The following PANK4 variants were observed in gnomAD, a reference collection of about 807,000 sequenced individuals.
PANK4 encodes the protein 4'-phosphopantetheine phosphatase.
PANK4 carries 40 observed loss-of-function variants against 87.9 expected under a neutral mutation model. The ratio of observed to expected loss-of-function variants is 0.46; its 90% confidence interval spans 0.35 to 0.59. PANK4 has a LOEUF of 0.59. Among genes scored for constraint, PANK4 ranks in the 20% least tolerant of loss-of-function variants. PANK4 has a pLI of 0.00. For synonymous variants in PANK4, 524 were observed against 467.4 expected, an observed-to-expected ratio of 1.12 and a Z score of -1.56; for missense variants, 926 against 1,072.3, an observed-to-expected ratio of 0.86 and a Z score of 1.90.
In PANK4 at chr1:2,520,242, C is replaced by T; in HGVS notation, c.699+80G>A. On this transcript the variant is annotated intron_variant, in intron 5 of 18. Transcript: ENST00000378466. The surrounding 1 kb of genome is among the most constrained non-coding windows in gnomAD (Gnocchi z 6.2). ...GGGAGGCCCGGAAGCAGCTTTTGCA[C>T]CGCCCAGCTGCAGGCCTTCGGGGGA... The T allele has an allele frequency of 2.2e-6, 3 of 1,357,792 alleles. No homozygotes were observed. Among genetic ancestry groups the T allele is most frequent in the Non-Finnish European group, 3.2e-6 (3 of 951,714 alleles). 84.1% of individuals were successfully genotyped at this position (1,357,792 alleles called of 1,614,324 possible).
Position 2,519,616 on chromosome 1 carries a change from C to T in PANK4, c.853+185G>A, listed in dbSNP as rs927613885. On this transcript the variant is annotated intron_variant, in intron 6 of 18. Coordinates refer to ENST00000378466, the MANE Select transcript of PANK4 (RefSeq NM_018216.4). The surrounding 1 kb of genome is among the most constrained non-coding windows in gnomAD (Gnocchi z 8.3). Reference sequence around the variant, plus strand: ...AACCAAGACCGTGGCGTTTATCTGCCGACGTTCTGAGCAGTGGGCCTGAGC... The same window carrying T: ...AACCAAGACCGTGGCGTTTATCTGCTGACGTTCTGAGCAGTGGGCCTGAGC... Among the ~76,000 whole-genome samples, 1 of 152,224 alleles carries T rather than the reference C, an allele frequency of 6.6e-6. No homozygotes were observed. The highest frequency in any genetic ancestry group is 2.4e-5 in the African/African-American group (1 of 41,454).
intron 1 of PANK4, among the ~76,000 whole-genome samples, chr1:2,524,500 C>G (rs2100800567): frequency 6.6e-6 from 1 of 152,292 alleles, no homozygotes; most frequent in East Asian, 1.9e-4. Context: ...CAGGGAGAAA[C>G]TTTGAAGAGG....
chr1:2,519,244 G>A lies in PANK4; in HGVS notation c.934C>T (p.Arg312Trp), dbSNP rs542241336. ...DIGQLACLHARLHSLDRVYFG... is the reference protein window; with the variant it reads ...DIGQLACLHAWLHSLDRVYFG... ...TACACGCGGTCCAGGCTGTGCAGCC[G>A]TGCGTGGAGGCAGGCCAGCTGCCCA... The change falls in exon 7 of 19, where the codon CGG becomes TGG. Residue 312 changes from arginine (R) to tryptophan (W), a missense_variant. By Grantham distance (101) the Arg-to-Trp change is moderately radical. Transcript: ENST00000378466. This position sits in a 1 kb window ranked among gnomAD's most constrained non-coding sequence, Gnocchi z 8.3. The A allele has an allele frequency of 1.9e-6, 3 of 1,612,750 alleles. No individual in the cohort carries two copies. The highest frequency in any genetic ancestry group is 1.7e-5 in the Admixed American group (1 of 60,026).
chr1:2,518,448 C>A (rs1643824310), intron 8 of PANK4, 68 bp downstream of exon 8: 2 of 1,399,434 alleles, frequency 1.4e-6, no homozygotes, highest in South Asian at 1.2e-5. Context: ...GCCGCCCTGG[C>A]CTGGAGCACA....
chr1:2,509,945 G>T lies in PANK4; in HGVS notation c.2040-15C>A, dbSNP rs1362820020. 1 of 1,609,296 alleles carries T rather than the reference G, an allele frequency of 6.2e-7. No homozygotes were observed. Among genetic ancestry groups the T allele is most frequent in the African/African-American group, 1.3e-5 (1 of 74,874 alleles). On this transcript the variant is annotated splice_polypyrimidine_tract_variant and intron_variant, in intron 17 of 18. Coordinates refer to ENST00000378466, the MANE Select transcript of PANK4 (RefSeq NM_018216.4). This position sits in a 1 kb window ranked among gnomAD's most constrained non-coding sequence, Gnocchi z 4.9. Reference sequence around the variant, plus strand: ...GGAGCGCAGAGCTGCCAGATACAAGGTGGTCAGTGCCCCCAGGAGCTCCCA... The same window carrying T: ...GGAGCGCAGAGCTGCCAGATACAAGTTGGTCAGTGCCCCCAGGAGCTCCCA...
chr1:2,514,031 C>T lies in PANK4; in HGVS notation c.1546G>A (p.Glu516Lys), dbSNP rs757333073. Residue 516 changes from glutamate (E) to lysine (K), a missense_variant, in exon 12 of 19, where the codon GAG becomes AAG. Physicochemically the swap from Glu to Lys is moderately conservative, Grantham distance 56. Transcript: ENST00000378466. ...GAGTAGGGATCCGGGAAGTTGAACT[C>T]GTTCAGACAGTGCTCCCTGGTGTCC... is the stretch of plus-strand genomic sequence containing the variant. ...LLDTREHCLN[E>K]FNFPDPYSKV... is the part of the protein sequence containing the mutation. The T allele has an allele frequency of 3.1e-6, 5 of 1,612,694 alleles. No homozygotes were observed. The highest frequency in any genetic ancestry group is 2.2e-5 in the South Asian group (2 of 91,088).
chr1:2,509,787 C>A lies in PANK4; in HGVS notation c.2108+75G>T. On this transcript the variant is annotated intron_variant, in intron 18 of 18. Coordinates refer to ENST00000378466, the MANE Select transcript of PANK4 (RefSeq NM_018216.4). The surrounding 1 kb of genome is among the most constrained non-coding windows in gnomAD (Gnocchi z 4.9). ...AGTCCTGAGGTCGGTGTCCCGCATG[C>A]ACCTGGGTGCAGGTGCACGGCACAG... 3.0e-6 allele frequency: 4 copies of A among 1,346,874 alleles called. No individual in the cohort carries two copies. Among genetic ancestry groups the A allele is most frequent in the Non-Finnish European group, 4.2e-6 (4 of 947,852 alleles). 83.4% of individuals were successfully genotyped at this position (1,346,874 alleles called of 1,614,324 possible). A position where few individuals can be genotyped will look rare whatever the true frequency, so the allele number is the denominator to read the frequency against.
intron 9 of PANK4, among the ~76,000 whole-genome samples, chr1:2,516,343 G>C (rs1157663881): frequency 6.6e-6 from 1 of 152,194 alleles, no homozygotes; most frequent in Non-Finnish European, 1.5e-5. Context: ...TATGCACCCA[G>C]GGCACCCCGG....
chr1:2,512,112 G>C (rs1643671815), intron 13 of PANK4, among the ~76,000 whole-genome samples: 1 of 152,186 alleles, frequency 6.6e-6, no homozygotes, highest in African/African-American at 2.4e-5. Flanking sequence ...CCGCAGTATG[G>C]TCCCTGTGCT....
chr1:2,513,965 C>G (rs943643212), intron 12 of PANK4, 37 bp downstream of exon 12: 11 of 1,458,612 alleles, frequency 7.5e-6, no homozygotes, highest in Non-Finnish European at 1.1e-5. Flanking sequence ...GGGACGGGGA[C>G]AAGAGCGAGC....
chr1:2,523,070 A>G (rs1643891517), intron 1 of PANK4, among the ~76,000 whole-genome samples: 1 of 151,970 alleles, frequency 6.6e-6, no homozygotes, highest in South Asian at 2.1e-4. Flanking sequence ...TAATGAGGCT[A>G]AAGTTATTTT....
chr1:2,509,029 G>A lies in PANK4; in HGVS notation c.2140C>T (p.Arg714Trp), dbSNP rs770902890. 6 of 1,601,834 alleles carry A rather than the reference G, an allele frequency of 3.7e-6. No individual in the cohort carries two copies. In the South Asian group the frequency reaches 5.5e-5, roughly 15 times the overall value. The change falls in exon 19 of 19, where the codon CGG becomes TGG. Residue 714 changes from arginine to tryptophan, a missense_variant. Arg to Trp is a moderately radical substitution (Grantham distance 101). Transcript: ENST00000378466. The surrounding 1 kb of genome is among the most constrained non-coding windows in gnomAD (Gnocchi z 4.9). Reference protein sequence around the residue: ...RLDKGLAALVRERGADLVVIE... With the variant: ...RLDKGLAALVWERGADLVVIE... ...ACCACCAGATCCGCGCCACGCTCCC[G>A]CACCAGTGCGGCCAGCCCCTTATCC... is the stretch of plus-strand genomic sequence containing the variant.
chr1:2,514,471 C>T lies in PANK4; in HGVS notation c.1375-5G>A. 1.9e-6 allele frequency: 3 copies of T among 1,605,662 alleles called. No homozygotes were observed. Among genetic ancestry groups the T allele is most frequent in the African/African-American group, 2.7e-5 (2 of 74,638 alleles). ...CGCCACTGCGCGCTTCACTACCTGC[C>T]AGCGACAGAAGGAGGGGGTTAGTCA... On this transcript the variant is annotated splice_region_variant and splice_polypyrimidine_tract_variant and intron_variant, in intron 10 of 18. Transcript: ENST00000378466.
chr1:2,519,133 C>T lies in PANK4; in HGVS notation c.1035+10G>A, dbSNP rs777727732. The T allele has an allele frequency of 1.9e-6, 3 of 1,608,160 alleles. No homozygotes were observed. The highest frequency in any genetic ancestry group is 1.7e-4 in the Middle Eastern group (1 of 6,044). On this transcript the variant is annotated intron_variant, in intron 7 of 18. Coordinates refer to ENST00000378466, the MANE Select transcript of PANK4 (RefSeq NM_018216.4). The surrounding 1 kb of genome is among the most constrained non-coding windows in gnomAD (Gnocchi z 8.3). ...GCGTTAGAGGCTGGGGAGGGCGGCG[C>T]ATCCGTTACCTTGGAGAAGAAGTTG... is the stretch of plus-strand genomic sequence containing the variant.
Position 2,520,454 on chromosome 1 carries a change from T to C in PANK4, c.607-40A>G. ...GGGCAGGTGTGCCCTCAGTGGGCCC[T>C]CAGCCACACAGGCTCCCCCGCCCCC... On this transcript the variant is annotated intron_variant, in intron 4 of 18. Transcript: ENST00000378466. The surrounding 1 kb of genome is among the most constrained non-coding windows in gnomAD (Gnocchi z 6.2). 6.5e-7 allele frequency: 1 copy of C among 1,549,428 alleles called. No homozygotes were observed. The highest frequency in any genetic ancestry group is 8.9e-7 in the Non-Finnish European group (1 of 1,124,208).
chr1:2,525,941 C>A (rs900920916), intron 1 of PANK4: 1 of 152,178 alleles, frequency 6.6e-6, no homozygotes, highest in Non-Finnish European at 1.5e-5. Context: ...CTGTCCGGCC[C>A]GCGGGCCACA....
chr1:2,518,382 T>C (rs1643823271), intron 8 of PANK4, 118 bp from the exon 9 acceptor site: 3 of 955,406 alleles, frequency 3.1e-6, no homozygotes, highest in East Asian at 2.6e-5. Flanking sequence ...ATGTTAGACA[T>C]GCCTGCTGCT....
rs957995119 is a variant in PANK4, at chr1:2,510,611, C to T, written c.1938+67G>A. 1.9e-5 allele frequency: 18 copies of T among 932,650 alleles called. No homozygotes were observed. The highest frequency in any genetic ancestry group is 1.0e-4 in the African/African-American group (6 of 59,682). 57.8% of individuals were successfully genotyped at this position (932,650 alleles called of 1,614,324 possible). ...CCCGACCACCGCCAGAGGCCCACAG[C>T]GGCGCCAACCCCACCGAGAGCAGAG... is the stretch of plus-strand genomic sequence containing the variant. On this transcript the variant is annotated intron_variant, in intron 16 of 18. Transcript: ENST00000378466. The surrounding 1 kb of genome is among the most constrained non-coding windows in gnomAD (Gnocchi z 4.9).
intron 13 of PANK4, 95 bp downstream of exon 13, chr1:2,512,793 C>T: frequency 7.7e-7 from 1 of 1,303,860 alleles, no homozygotes; most frequent in Non-Finnish European, 1.1e-6. Context: ...GCCACGTGAC[C>T]CCCAAGGGAC....
Sources: gnomAD v4.1 joint callset for allele counts (sites outside exome capture counted in the v4.1 genomes callset) on GRCh38, gnomAD v4.1.1 for gene constraint, Gnocchi (gnomAD v3.1) non-coding constraint, MANE v1.5 for transcripts, NCBI Gene and HGNC (gene_info 2026-07-23, HGNC 2026-07-21) for gene names.